TMEM117: variants seen among roughly 807,000 people sequenced by gnomAD.
TMEM117 encodes transmembrane protein 117.
Under a neutral mutation model 52.4 loss-of-function variants are expected in TMEM117, and 27 were observed. The observed-to-expected ratio is 0.51, with a 90% CI of 0.38 to 0.71. TMEM117 has a LOEUF of 0.71. Ranked by LOEUF, TMEM117 falls within the 30% of genes least tolerant of loss-of-function variation. The pLI is 0.00. For missense variants in TMEM117, 556 were observed against 630.5 expected, an observed-to-expected ratio of 0.88 and a Z score of 1.26; for synonymous variants, 215 against 206.3, an observed-to-expected ratio of 1.04 and a Z score of -0.36.
At chr12:44,101,388 T>C (rs1045493650) in intron 3 of TMEM117, among the ~76,000 whole-genome samples, 2 of 151,934 alleles carry the variant, frequency 1.3e-5, no homozygotes, top group Non-Finnish European at 2.9e-5. Context: ...CTATTTCCTT[T>C]CAGTCTCTTT....
chr12:43,946,550 AGTT>A (rs940939692), intron 3 of TMEM117, among the ~76,000 whole-genome samples: 8 of 152,164 alleles, frequency 5.3e-5, no homozygotes, highest in Admixed American at 2.6e-4. Flanking sequence ...GAGAGTTAAT[AGTT>A]GTTGAACATT....
At chr12:44,058,566 TGAA>T (rs202227306) in intron 3 of TMEM117, among the ~76,000 whole-genome samples, 2,207 of 152,338 alleles carry the variant, frequency 0.014, 18 homozygotes, top group Non-Finnish European at 0.024. Context: ...TTTCATATGC[TGAA>T]GGAGTAAAAG....
Position 44,004,982 on chromosome 12 carries a change from C to T in TMEM117, c.410+60640C>T, listed in dbSNP as rs534452750. On this transcript the variant is annotated intron_variant, in intron 3 of 7. Transcript: ENST00000266534. ...TCATTAATGAAGGATGCTTAAAAGC[C>T]GGACAAGTAGTAGACAAAGCTTATT... Among the ~76,000 whole-genome samples the T allele has an allele frequency of 1.2e-4, 18 of 152,214 alleles. No individual in the cohort carries two copies. The South Asian group carries it at 2.5e-3, about 21-fold the overall frequency.
At chr12:44,203,367 G>A (rs1949523039) in intron 4 of TMEM117, among the ~76,000 whole-genome samples, 2 of 152,004 alleles carry the variant, frequency 1.3e-5, no homozygotes, top group African/African-American at 4.8e-5. Context: ...AATCTGGGTA[G>A]CACTCTATCA....
intron 3 of TMEM117, among the ~76,000 whole-genome samples, chr12:43,999,409 A>G (rs1351029381): frequency 6.6e-6 from 1 of 152,254 alleles, no homozygotes; most frequent in African/African-American, 2.4e-5. Context: ...TCAAACCAGA[A>G]AAATGTTATA....
intron 3 of TMEM117, among the ~76,000 whole-genome samples, chr12:44,115,885 A>G (rs544333720): frequency 8.5e-5 from 13 of 152,316 alleles, no homozygotes; most frequent in Non-Finnish European, 1.5e-4. Context: ...GATCAGTTTC[A>G]TCTACTAGAA....
rs144814390 is a variant in TMEM117 at position 43,893,788 on chromosome 12, A to G, written c.277+48860A>G. Among the ~76,000 whole-genome samples, 1,412 of 152,276 alleles carry G rather than the reference A, an allele frequency of 9.3e-3. 21 individuals carry two copies. Among genetic ancestry groups the G allele is most frequent in the African/African-American group, 0.031 (1,274 of 41,544 alleles). The stretch of plus-strand genomic sequence containing the variant: ...CCAGACTTACTGGTTTAGAATATCA[A>G]TTTTACCTTGCTTGTGATTTTGTGG... On this transcript the variant is annotated intron_variant, in intron 2 of 7. Coordinates refer to ENST00000266534, the MANE Select transcript of TMEM117 (RefSeq NM_032256.3).
rs189011072 is a variant in TMEM117, at chr12:44,314,322, C to G, written c.768+14583C>G. ...ATAATGAAGGGAGGTTGGATTTTATCAAAAGCCTTTTATACTTCTATTAAG... is the reference window on the plus strand; with the variant it reads ...ATAATGAAGGGAGGTTGGATTTTATGAAAAGCCTTTTATACTTCTATTAAG... On this transcript the variant is annotated intron_variant, in intron 6 of 7. Transcript: ENST00000266534. Among the ~76,000 whole-genome samples, 185 of 152,158 alleles carry G rather than the reference C, an allele frequency of 1.2e-3. 1 individual carries two copies. The highest frequency in any genetic ancestry group is 3.5e-3 in the Admixed American group (53 of 15,280).
chr12:43,855,554 G>A (rs973693619), intron 2 of TMEM117, among the ~76,000 whole-genome samples: 1 of 152,096 alleles, frequency 6.6e-6, no homozygotes, highest in Non-Finnish European at 1.5e-5. Flanking sequence ...TTTATATTAT[G>A]CAAATCATTA....
At chr12:44,379,910 C>T (rs189054161) in intron 7 of TMEM117, among the ~76,000 whole-genome samples, 57 of 152,210 alleles carry the variant, frequency 3.7e-4, no homozygotes, top group Non-Finnish European at 6.2e-4. Flanking sequence ...GGATGACAAA[C>T]GTTAATGTGT....
the TMEM117 span, among the ~76,000 whole-genome samples, chr12:43,830,742 C>T: frequency 6.6e-6 from 1 of 151,832 alleles, no homozygotes; most frequent in Admixed American, 6.6e-5. Flanking sequence ...ATAAGCAGGG[C>T]AGGGGTGAAA....
chr12:43,982,228 A>C (rs10506233), intron 3 of TMEM117, among the ~76,000 whole-genome samples: 8,329 of 152,284 alleles, frequency 0.055, 396 homozygotes, highest in African/African-American at 0.12. Context: ...CAAATGTCAG[A>C]GAAACCAGAT....
At chr12:44,354,409 A>G (rs1331125606) in intron 6 of TMEM117, among the ~76,000 whole-genome samples, 1 of 152,088 alleles carries the variant, frequency 6.6e-6, no homozygotes, top group Non-Finnish European at 1.5e-5. Context: ...CATTGATGCA[A>G]AAATCCTCAG....
rs549412011 is a variant in TMEM117 at position 44,028,436 on chromosome 12, A to G, written c.410+84094A>G. 2.6e-5 allele frequency among the ~76,000 whole-genome samples: 4 copies of G among 152,220 alleles called. 1 individual carries two copies. Among genetic ancestry groups the G allele is most frequent in the Non-Finnish European group, 5.9e-5 (4 of 68,040 alleles). ...CATTCCCAGATGGTTAAGGCATTCTAAGTCACACGATGAGATCAAAGGTCA... is the reference window on the plus strand; with the variant it reads ...CATTCCCAGATGGTTAAGGCATTCTGAGTCACACGATGAGATCAAAGGTCA... On this transcript the variant is annotated intron_variant, in intron 3 of 7. Transcript: ENST00000266534.
chr12:44,095,709 A>G (rs958178853), intron 3 of TMEM117, among the ~76,000 whole-genome samples: 38 of 152,216 alleles, frequency 2.5e-4, no homozygotes, highest in Non-Finnish European at 5.0e-4. Flanking sequence ...CAAAGATACA[A>G]TAGCTTCCAA....
At chr12:43,921,266 C>T (rs1944689130) in intron 2 of TMEM117, among the ~76,000 whole-genome samples, 2 of 152,138 alleles carry the variant, frequency 1.3e-5, no homozygotes, top group Admixed American at 1.3e-4. Context: ...TATTTTTCCC[C>T]AGAACATGCA....
At chr12:44,160,281 G>GTA (rs200360526) in intron 4 of TMEM117, among the ~76,000 whole-genome samples, 8 of 151,406 alleles carry the variant, frequency 5.3e-5, no homozygotes, top group East Asian at 1.9e-4. Context: ...ATACACATAT[G>GTA]TATATATATA....
At chr12:44,375,139 C>T (rs1428044163) in intron 6 of TMEM117, among the ~76,000 whole-genome samples, 1 of 152,170 alleles carries the variant, frequency 6.6e-6, no homozygotes, top group African/African-American at 2.4e-5. Flanking sequence ...CATGTGTTAT[C>T]ACCGATGCAT....
chr12:43,993,631 C>A (rs577156416), intron 3 of TMEM117, among the ~76,000 whole-genome samples: 13 of 152,254 alleles, frequency 8.5e-5, no homozygotes, highest in Admixed American at 2.6e-4. Context: ...CTATCTCAGG[C>A]AGGCAGCAGA....
Sources: allele counts gnomAD v4.1 joint callset (sites outside exome capture counted in the v4.1 genomes callset), GRCh38; gene constraint gnomAD v4.1.1; transcripts MANE v1.5; gene names NCBI Gene and HGNC (gene_info 2026-07-23, HGNC 2026-07-21).